ARHGAP26: variants seen among roughly 807,000 people sequenced by gnomAD.
The protein encoded by ARHGAP26 is rho GTPase-activating protein 26.
ARHGAP26 carries 38 observed loss-of-function variants against 104.8 expected under a neutral mutation model. The observed-to-expected ratio is 0.36, with a 90% CI of 0.28 to 0.48. The LOEUF (loss-of-function observed/expected upper bound fraction) is 0.48, where lower values mean the gene tolerates loss of function less well. Ranked by LOEUF, ARHGAP26 falls within the 20% of genes least tolerant of loss-of-function variation. The probability of loss-of-function intolerance (pLI) is 0.99; values close to 1 mark genes in which losing one functional copy is unlikely to be tolerated. For synonymous variants in ARHGAP26, 341 were observed against 340.0 expected (o/e 1.00, Z -0.03); for missense variants, 704 against 947.9 (o/e 0.74, Z 3.38).
At chr5:143,120,099 TA>T (rs1002313393) in intron 17 of ARHGAP26, among the ~76,000 whole-genome samples, 1 of 152,214 alleles carries the variant, frequency 6.6e-6, no homozygotes, top group African/African-American at 2.4e-5. Context: ...AAGCTCTTGA[TA>T]TTGTCTCAAC....
At chr5:143,006,501 T>C (rs1777993799) in intron 11 of ARHGAP26, among the ~76,000 whole-genome samples, 1 of 152,114 alleles carries the variant, frequency 6.6e-6, no homozygotes, top group Non-Finnish European at 1.5e-5. Context: ...CCATCAACTA[T>C]ATTTTTATTG....
At chr5:142,817,408 G>GA (rs1765346474) in intron 1 of ARHGAP26, among the ~76,000 whole-genome samples, 1 of 152,208 alleles carries the variant, frequency 6.6e-6, no homozygotes, top group Non-Finnish European at 1.5e-5. Flanking sequence ...GTAAGAGGAG[G>GA]AAAAGTGAGA....
At chr5:143,203,012 A>G (rs1236865692) in intron 20 of ARHGAP26, 1 of 152,258 alleles carries the variant, frequency 6.6e-6, no homozygotes, top group Non-Finnish European at 1.5e-5. Flanking sequence ...GGACATTGGC[A>G]TGGTCAAAGA....
intron 20 of ARHGAP26, among the ~76,000 whole-genome samples, chr5:143,149,762 T>C (rs1435872200): frequency 6.6e-6 from 1 of 152,186 alleles, no homozygotes; most frequent in Non-Finnish European, 1.5e-5. Context: ...ATGATGCAGA[T>C]GAAAATAAAG....
chr5:143,078,267 C>T (rs1789320411), intron 17 of ARHGAP26, among the ~76,000 whole-genome samples: 1 of 152,152 alleles, frequency 6.6e-6, no homozygotes, highest in African/African-American at 2.4e-5. Context: ...AGAAGAGACA[C>T]CTGGGTGCAA....
chr5:142,952,322 G>A (rs1012686647), intron 11 of ARHGAP26, among the ~76,000 whole-genome samples: 1 of 152,158 alleles, frequency 6.6e-6, no homozygotes, highest in Non-Finnish European at 1.5e-5. Context: ...CCAACATTCG[G>A]CAGTGCAGTG....
chr5:143,090,340 T>G (rs1415872188), intron 17 of ARHGAP26, among the ~76,000 whole-genome samples: 1 of 152,258 alleles, frequency 6.6e-6, no homozygotes, highest in African/African-American at 2.4e-5. Context: ...CAATTGCTTT[T>G]GTTTAACGTG....
At chr5:142,872,884 G>A (rs542384091) in intron 1 of ARHGAP26, among the ~76,000 whole-genome samples, 55 of 152,308 alleles carry the variant, frequency 3.6e-4, no homozygotes, top group African/African-American at 1.2e-3. Context: ...AGGAAGGCCA[G>A]GTGCTATGGG....
At chr5:143,079,281 A>G (rs1192075792) in intron 17 of ARHGAP26, among the ~76,000 whole-genome samples, 1 of 152,216 alleles carries the variant, frequency 6.6e-6, no homozygotes, top group East Asian at 1.9e-4. Flanking sequence ...TTTCTCAGAC[A>G]TCTACTGTGA....
intron 19 of ARHGAP26, among the ~76,000 whole-genome samples, chr5:143,141,120 G>A (rs1798472668): frequency 6.6e-6 from 1 of 152,230 alleles, no homozygotes; most frequent in East Asian, 1.9e-4. Flanking sequence ...GCTGCAGAAG[G>A]TGTGTAATGT....
intron 1 of ARHGAP26, among the ~76,000 whole-genome samples, chr5:142,843,414 AT>A (rs1441400474): frequency 6.6e-6 from 1 of 152,188 alleles, no homozygotes; most frequent in Non-Finnish European, 1.5e-5. Context: ...GATACCTTTG[AT>A]TGCTAAGGCA....
intron 1 of ARHGAP26, among the ~76,000 whole-genome samples, chr5:142,819,091 G>A (rs919367899): frequency 2.0e-5 from 3 of 152,194 alleles, no homozygotes; most frequent in South Asian, 2.1e-4. Flanking sequence ...TTACTGGGAT[G>A]TCCCTGTGCC....
intron 17 of ARHGAP26, among the ~76,000 whole-genome samples, chr5:143,106,736 G>C: frequency 6.6e-6 from 1 of 152,174 alleles, no homozygotes; most frequent in East Asian, 1.9e-4. Context: ...GCCTTCCAAA[G>C]TGCTGGGATT....
intron 1 of ARHGAP26, among the ~76,000 whole-genome samples, chr5:142,869,422 T>C (rs1013224192): frequency 2.6e-5 from 4 of 151,986 alleles, no homozygotes; most frequent in African/African-American, 4.8e-5. Flanking sequence ...GGTTTCACTA[T>C]GTTGGCCAGA....
intron 11 of ARHGAP26, among the ~76,000 whole-genome samples, chr5:142,945,260 G>A (rs1180817754): frequency 1.3e-5 from 2 of 152,226 alleles, no homozygotes; most frequent in African/African-American, 4.8e-5. Flanking sequence ...GCTGACGTGT[G>A]TGCTCTTTCA....
At chr5:143,119,410 G>A (rs1795870892) in intron 17 of ARHGAP26, among the ~76,000 whole-genome samples, 1 of 152,172 alleles carries the variant, frequency 6.6e-6, no homozygotes, top group South Asian at 2.1e-4. Context: ...AGCTGATGTT[G>A]AAAGTAGTGA....
At chr5:143,131,527 G>A (rs1052827887) in intron 18 of ARHGAP26, among the ~76,000 whole-genome samples, 3 of 152,192 alleles carry the variant, frequency 2.0e-5, no homozygotes, top group African/African-American at 7.2e-5. Context: ...TGAAGGTGCT[G>A]TAACTGAGGC....
At chr5:143,034,378 A>G (rs1380999848) in intron 12 of ARHGAP26, among the ~76,000 whole-genome samples, 2 of 152,246 alleles carry the variant, frequency 1.3e-5, no homozygotes, top group Non-Finnish European at 2.9e-5. Context: ...TGGATAAATA[A>G]AATGTGATAT....
intron 11 of ARHGAP26, among the ~76,000 whole-genome samples, chr5:142,970,835 C>T (rs77489757): frequency 0.023 from 3,431 of 152,242 alleles, 132 homozygotes; most frequent in African/African-American, 0.077. Context: ...GAGGATGTGA[C>T]GGTCACTCTA....
Sources: gnomAD v4.1 joint callset for allele counts (sites outside exome capture counted in the v4.1 genomes callset) on GRCh38, gnomAD v4.1.1 for gene constraint, MANE v1.5 for transcripts, NCBI Gene and HGNC (gene_info 2026-07-23, HGNC 2026-07-21) for gene names.